The following GRM1 variants were observed in gnomAD, a reference collection of about 807,000 sequenced individuals.
The protein encoded by GRM1 is metabotropic glutamate receptor 1.
Under a neutral mutation model 90.9 loss-of-function variants are expected in GRM1, and 33 were observed. That is an observed-to-expected ratio of 0.36 (90% CI 0.28 to 0.49). The LOEUF is 0.49. Among genes scored for constraint, GRM1 ranks in the 20% least tolerant of loss-of-function variants. The pLI is 0.99. For synonymous variants in GRM1, 700 were observed against 613.2 expected (o/e 1.14, Z -2.09); for missense variants, 1,190 against 1,534.3 (o/e 0.78, Z 3.75).
rs564816572 is a variant in GRM1 at position 146,120,331 on chromosome 6, T to C, written c.701-39017T>C. On this transcript the variant is annotated intron_variant, in intron 1 of 7. Transcript: ENST00000282753. ...GAAGTTGCCTATCAGCTTAAGGAGATTTTGGGCTGAGACGATGGGGTTTTC... is the reference window on the plus strand; with the variant it reads ...GAAGTTGCCTATCAGCTTAAGGAGACTTTGGGCTGAGACGATGGGGTTTTC... Among the ~76,000 whole-genome samples the C allele has an allele frequency of 2.0e-5, 3 of 152,306 alleles. No homozygotes were observed. In the East Asian group the frequency reaches 5.8e-4, roughly 29 times the overall value.
chr6:146,229,150 C>A lies in GRM1; in HGVS notation c.950+69553C>A, dbSNP rs186640038. On this transcript the variant is annotated intron_variant, in intron 2 of 7. Transcript: ENST00000282753. ...TTTTTGGAAAATTGTGTTCCTATGA[C>A]ACTAATGTATAGAGTTAGGGATGGG... 1.1e-3 allele frequency among the ~76,000 whole-genome samples: 160 copies of A among 151,762 alleles called. 1 individual carries two copies. Among genetic ancestry groups the A allele is most frequent in the Admixed American group, 6.8e-3 (104 of 15,204 alleles).
chr6:146,080,245 A>C (rs577561032), intron 1 of GRM1, among the ~76,000 whole-genome samples: 1 of 152,302 alleles, frequency 6.6e-6, no homozygotes, highest in South Asian at 2.1e-4. Flanking sequence ...TTGTGAATGT[A>C]AGAATTTTAT....
chr6:146,053,667 C>T (rs1007576513), intron 1 of GRM1, among the ~76,000 whole-genome samples: 7 of 152,014 alleles, frequency 4.6e-5, no homozygotes, highest in African/African-American at 1.7e-4. Context: ...TGGTCCAGGG[C>T]TCTTTCATCC....
chr6:146,361,816 C>T (rs1452810662), intron 5 of GRM1, among the ~76,000 whole-genome samples: 1 of 152,226 alleles, frequency 6.6e-6, no homozygotes, highest in East Asian at 1.9e-4. Context: ...AACTATCTTT[C>T]ATTATATGAA....
At chr6:146,417,779 C>A (rs976908480) in intron 7 of GRM1, among the ~76,000 whole-genome samples, 2 of 152,090 alleles carry the variant, frequency 1.3e-5, no homozygotes, top group Non-Finnish European at 1.5e-5. Context: ...TTCTTCTTTT[C>A]AAAACATCCT....
At chr6:146,028,451 G>A (rs1203274677), upstream of GRM1, among the ~76,000 whole-genome samples, 3 of 151,874 alleles carry the variant, frequency 2.0e-5, no homozygotes, top group African/African-American at 7.3e-5. Flanking sequence ...AGAGCAACCC[G>A]GAAGCTCCCC....
intron 2 of GRM1, among the ~76,000 whole-genome samples, chr6:146,239,604 C>T (rs557114491): frequency 2.6e-5 from 4 of 152,024 alleles, no homozygotes; most frequent in Non-Finnish European, 5.9e-5. Flanking sequence ...AAAATATTTT[C>T]TTACTAGAAC....
At chr6:146,146,103 CTTTTTTTTTTTTTTTTTTTTT>C (rs35329703) in intron 1 of GRM1, among the ~76,000 whole-genome samples, 34 of 19,990 alleles carry the variant, frequency 1.7e-3, no homozygotes, top group African/African-American at 3.1e-3. Context: ...ACCATTGTAT[CTTTTTTTTTTTTTTTTTTTTT>C]TTTTTTTTTT....
chr6:146,183,065 A>G (rs548543308), intron 2 of GRM1, among the ~76,000 whole-genome samples: 50 of 152,252 alleles, frequency 3.3e-4, no homozygotes, highest in African/African-American at 1.2e-3. Flanking sequence ...GAGGTCTTCT[A>G]AGATTCAGGC....
At chr6:146,256,048 G>T (rs1224925758) in intron 2 of GRM1, among the ~76,000 whole-genome samples, 1 of 152,066 alleles carries the variant, frequency 6.6e-6, no homozygotes, top group Admixed American at 6.6e-5. Context: ...CCTTCTTTTT[G>T]GTAGAGGGGC....
chr6:146,130,227 CT>C (rs1776344993), intron 1 of GRM1, among the ~76,000 whole-genome samples: 1 of 151,510 alleles, frequency 6.6e-6, no homozygotes, highest in African/African-American at 2.4e-5. Context: ...TTTTCTCTTT[CT>C]TTCCCTCCCT....
rs191859975 is a variant in GRM1, at chr6:146,094,933, T to C, written c.701-64415T>C. Among the ~76,000 whole-genome samples the C allele has an allele frequency of 3.9e-5, 6 of 152,178 alleles. No homozygotes were observed. The East Asian group carries it at 1.2e-3, about 29-fold the overall frequency. On this transcript the variant is annotated intron_variant, in intron 1 of 7. Coordinates refer to ENST00000282753, the MANE Select transcript of GRM1 (RefSeq NM_001278064.2). The stretch of plus-strand genomic sequence containing the variant: ...CCAAAGATCCAAAGGTAAAGTTTCA[T>C]AGATAATCAAAATAAAATGCTATTA...
intron 7 of GRM1, among the ~76,000 whole-genome samples, chr6:146,431,640 G>C (rs1472255285): frequency 2.0e-5 from 3 of 152,082 alleles, no homozygotes; most frequent in African/African-American, 7.2e-5. Flanking sequence ...ATAGATACAG[G>C]ATAACATTTT....
At chr6:146,231,585 GT>G (rs1275292392) in intron 2 of GRM1, among the ~76,000 whole-genome samples, 1 of 152,054 alleles carries the variant, frequency 6.6e-6, no homozygotes, top group Admixed American at 6.6e-5. Context: ...AATGTTAGTT[GT>G]GTCATGTCAT....
chr6:146,435,051 C>T lies in GRM1; in HGVS notation c.*255C>T, dbSNP rs1275048261. On this transcript the variant is annotated 3_prime_UTR_variant, in exon 8 of 8. Coordinates refer to ENST00000282753, the MANE Select transcript of GRM1 (RefSeq NM_001278064.2). ...GCCTTCTCTGGGAAGAAAGGGAATTCTGACAAAGCACAATTCCATATGGTA... is the reference window on the plus strand; with the variant it reads ...GCCTTCTCTGGGAAGAAAGGGAATTTTGACAAAGCACAATTCCATATGGTA... 1.7e-6 allele frequency: 1 copy of T among 590,918 alleles called. No homozygotes were observed. The highest frequency in any genetic ancestry group is 3.0e-6 in the Non-Finnish European group (1 of 331,556). 36.6% of individuals were successfully genotyped at this position (590,918 alleles called of 1,614,324 possible).
At chr6:146,059,926 G>C (rs1775605646) in intron 1 of GRM1, among the ~76,000 whole-genome samples, 1 of 152,128 alleles carries the variant, frequency 6.6e-6, no homozygotes, top group Non-Finnish European at 1.5e-5. Context: ...GATTAGGCTT[G>C]GCTTAAGGGA....
At chr6:146,358,580 TGC>T in intron 5 of GRM1, among the ~76,000 whole-genome samples, 1 of 152,278 alleles carries the variant, frequency 6.6e-6, no homozygotes, top group South Asian at 2.1e-4. Context: ...CTCTGGCTCC[TGC>T]CATGCTGACA....
intron 2 of GRM1, among the ~76,000 whole-genome samples, chr6:146,253,937 A>G (rs549443709): frequency 1.2e-3 from 188 of 152,166 alleles, no homozygotes; most frequent in Non-Finnish European, 2.4e-3. Context: ...GCCACCATGA[A>G]TCTTACTTTT....
chr6:146,084,985 A>G (rs1776491727), intron 1 of GRM1, among the ~76,000 whole-genome samples: 1 of 152,172 alleles, frequency 6.6e-6, no homozygotes, highest in Admixed American at 6.6e-5. Flanking sequence ...GAAATGACAA[A>G]TACTTACTTT....
Sources: allele counts gnomAD v4.1 joint callset (sites outside exome capture counted in the v4.1 genomes callset), GRCh38; gene constraint gnomAD v4.1.1; transcripts MANE v1.5; gene names NCBI Gene and HGNC (gene_info 2026-07-23, HGNC 2026-07-21).